Variants in GLRA2 observed in about 807,000 individuals in gnomAD.
GLRA2 encodes the protein glycine receptor alpha 2.
A neutral mutation model predicts 31.6 loss-of-function variants in GLRA2; 11 were observed. The observed-to-expected ratio is 0.35, with a 90% CI of 0.22 to 0.58. The LOEUF (loss-of-function observed/expected upper bound fraction) is 0.58. Ranked by LOEUF, GLRA2 falls within the 20% of genes least tolerant of loss-of-function variation. The pLI is 0.84. For synonymous variants in GLRA2, 132 were observed against 134.0 expected (o/e 0.99, Z 0.10); for missense variants, 212 against 351.8 (o/e 0.60, Z 3.18).
chrX:14,475,027 G>A, the GLRA2 span, among the ~76,000 whole-genome samples: 1 of 111,678 alleles, frequency 9.0e-6, no homozygotes, highest in African/African-American at 3.3e-5. Context: ...AGCTGCATCA[G>A]TGTGGAGGAG....
At chrX:14,460,505 G>C in the GLRA2 span, among the ~76,000 whole-genome samples, 1 of 111,662 alleles carries the variant, frequency 9.0e-6, no homozygotes, top group East Asian at 2.8e-4. Context: ...CTGGTCCTGG[G>C]CTGTTTTGGT....
the GLRA2 span, among the ~76,000 whole-genome samples, chrX:14,471,471 A>T: frequency 8.9e-5 from 10 of 112,009 alleles, no homozygotes; most frequent in African/African-American, 2.9e-4. Flanking sequence ...AGTTTACGGG[A>T]TGTAAACAGT....
At chrX:14,623,926 A>G (rs879155851) in intron 7 of GLRA2, among the ~76,000 whole-genome samples, 11 of 111,739 alleles carry the variant, frequency 9.8e-5, no homozygotes, top group Non-Finnish European at 1.5e-4. Flanking sequence ...AAGGAATGGT[A>G]CCATCTCCTC....
At chrX:14,474,319 T>C in the GLRA2 span, among the ~76,000 whole-genome samples, 28 of 111,360 alleles carry the variant, frequency 2.5e-4, no homozygotes, top group African/African-American at 8.5e-4. Context: ...CTGCTACAGT[T>C]TAGTATGGCT....
chrX:14,684,648 T>A (rs1475523842), intron 7 of GLRA2, among the ~76,000 whole-genome samples: 1 of 111,938 alleles, frequency 8.9e-6, no homozygotes, highest in Non-Finnish European at 1.9e-5. Flanking sequence ...ATGCTTGTGA[T>A]TTTTGCACAT....
chrX:14,728,651 G>T (rs915494826), intron 8 of GLRA2, among the ~76,000 whole-genome samples: 1 of 112,038 alleles, frequency 8.9e-6, no homozygotes, highest in African/African-American at 3.2e-5. Context: ...CTTCACCAGA[G>T]ATACTGTATC....
At chrX:14,513,082 C>T in the GLRA2 span, among the ~76,000 whole-genome samples, 8 of 111,421 alleles carry the variant, frequency 7.2e-5, no homozygotes, top group Non-Finnish European at 1.3e-4. Context: ...TAGACCAATG[C>T]AACAGAATAG....
At chrX:14,575,649 C>T (rs933067095) in intron 3 of GLRA2, among the ~76,000 whole-genome samples, 5 of 110,534 alleles carry the variant, frequency 4.5e-5, no homozygotes, top group Non-Finnish European at 7.6e-5. Flanking sequence ...ATTGTGGAGA[C>T]AGGATCTCAC....
chrX:14,651,539 A>T (rs1200459583), intron 7 of GLRA2, among the ~76,000 whole-genome samples: 3 of 111,727 alleles, frequency 2.7e-5, no homozygotes, highest in African/African-American at 9.8e-5. Flanking sequence ...ATATACAAAT[A>T]GTTACCATTA....
At chrX:14,674,793 AC>A (rs1381820374) in intron 7 of GLRA2, among the ~76,000 whole-genome samples, 1 of 109,268 alleles carries the variant, frequency 9.2e-6, no homozygotes. Context: ...ACACACACAA[AC>A]ACACACACTC....
At chrX:14,494,775 C>A in the GLRA2 span, among the ~76,000 whole-genome samples, 1 of 111,651 alleles carries the variant, frequency 9.0e-6, no homozygotes, top group Non-Finnish European at 1.9e-5. Context: ...CTGGGAATCA[C>A]CTGACTCCCG....
chrX:14,483,288 A>G, the GLRA2 span, among the ~76,000 whole-genome samples: 1 of 111,704 alleles, frequency 9.0e-6, no homozygotes, highest in East Asian at 2.8e-4. Context: ...TGCTGGAACA[A>G]TGCAGAAACT....
chrX:14,516,196 CG>C, the GLRA2 span, among the ~76,000 whole-genome samples: 2 of 110,854 alleles, frequency 1.8e-5, no homozygotes, highest in Non-Finnish European at 3.8e-5. Context: ...TTGGCTCTAG[CG>C]TTTCTCTATT....
intron 7 of GLRA2, among the ~76,000 whole-genome samples, chrX:14,645,988 A>C (rs747347325): frequency 3.6e-5 from 4 of 112,169 alleles, no homozygotes; most frequent in Non-Finnish European, 5.6e-5. Context: ...AGACAGTTGG[A>C]CAATGCTCCA....
intron 4 of GLRA2, among the ~76,000 whole-genome samples, chrX:14,586,138 T>C (rs1346617499): frequency 2.7e-5 from 3 of 111,316 alleles, no homozygotes; most frequent in East Asian, 5.7e-4. Flanking sequence ...ATACTTCATA[T>C]ATCTGTATTC....
At chrX:14,678,384 C>CA (rs1388661666) in intron 7 of GLRA2, among the ~76,000 whole-genome samples, 4 of 111,880 alleles carry the variant, frequency 3.6e-5, no homozygotes, top group Non-Finnish European at 7.5e-5. Flanking sequence ...GAACTGAATG[C>CA]AGGGGGACTG....
chrX:14,516,903 C>T, the GLRA2 span, among the ~76,000 whole-genome samples: 48 of 111,846 alleles, frequency 4.3e-4, no homozygotes, highest in African/African-American at 1.2e-3. Flanking sequence ...TCCAGTTGAA[C>T]CTTCAGATGA....
At chrX:14,719,910 G>T (rs2091842629) in intron 8 of GLRA2, among the ~76,000 whole-genome samples, 1 of 111,844 alleles carries the variant, frequency 8.9e-6, no homozygotes. Flanking sequence ...GATGAGTCTG[G>T]AGGACATTAT....
intron 7 of GLRA2, among the ~76,000 whole-genome samples, chrX:14,634,109 C>T (rs771329151): frequency 2.7e-5 from 3 of 110,827 alleles, no homozygotes; most frequent in Non-Finnish European, 3.8e-5. Context: ...CCACCATGCC[C>T]GACTAATTTT....
Sources: gnomAD v4.1 joint callset for allele counts (sites outside exome capture counted in the v4.1 genomes callset) on GRCh38, gnomAD v4.1.1 for gene constraint, MANE v1.5 for transcripts, NCBI Gene and HGNC (gene_info 2026-07-23, HGNC 2026-07-21) for gene names.